TMEM259: variants seen among roughly 807,000 people sequenced by gnomAD.
TMEM259 encodes the protein membralin.
TMEM259 carries 26 observed loss-of-function variants against 46.7 expected under a neutral mutation model. That is an observed-to-expected ratio of 0.56 (90% CI 0.41 to 0.77). The LOEUF (loss-of-function observed/expected upper bound fraction) is 0.77. Ranked by LOEUF, TMEM259 falls within the 30% of genes least tolerant of loss-of-function variation. TMEM259 has a pLI of 0.00. For missense variants in TMEM259, 930 were observed against 900.5 expected (o/e 1.03, Z -0.42); for synonymous variants, 494 against 395.1 (o/e 1.25, Z -2.97).
Position 1,011,921 on chromosome 19 carries a change from G to A in TMEM259, c.913C>T (p.Leu305=), listed in dbSNP as rs1399634237. The A allele has an allele frequency of 1.7e-5, 28 of 1,610,908 alleles. No homozygotes were observed. The highest frequency in any genetic ancestry group is 4.5e-5 in the East Asian group (2 of 44,802). The change falls in exon 6 of 11, where the codon CTG becomes TTG. Residue 305 remains leucine (L), a synonymous_variant. Transcript: ENST00000356663. ...VSMWMARTSY[L]AAFAIMVIFT... Reference sequence around the variant, plus strand: ...ATGACCATGATGGCGAAGGCGGCCAGGTAGGACGTCCGCGCCATCCACATG... The same window carrying A: ...ATGACCATGATGGCGAAGGCGGCCAAGTAGGACGTCCGCGCCATCCACATG...
chr19:1,009,729 C>T lies in TMEM259; in HGVS notation c.*621G>A. 1.2e-6 allele frequency: 1 copy of T among 818,904 alleles called. No homozygotes were observed. Among genetic ancestry groups the T allele is most frequent in the Non-Finnish European group, 1.7e-6 (1 of 584,090 alleles). The allele number at this position is 818,904 out of a possible 1,614,324, so 50.7% of individuals were successfully genotyped here. The stretch of plus-strand genomic sequence containing the variant: ...AATTAAATAGAATGGAATGAGCGCT[C>T]CTCCGCATTCCTCCCCGAGTGACTG... On this transcript the variant is annotated 3_prime_UTR_variant, in exon 11 of 11. Transcript: ENST00000356663.
rs764633987 is a variant in TMEM259, at chr19:1,011,910, G to C, written c.924C>G (p.Phe308Leu). ...WMARTSYLAA[F>L]AIMVIFTLSV... is the part of the protein sequence containing the mutation. ...CACTCACGAAGATGACCATGATGGC[G>C]AAGGCGGCCAGGTAGGACGTCCGCG... The change falls in exon 6 of 11, where the codon TTC (phenylalanine) becomes TTG (leucine). Residue 308 changes from phenylalanine to leucine, a missense_variant. By Grantham distance (22) the Phe-to-Leu change is conservative. Transcript: ENST00000356663. 1.2e-6 allele frequency: 2 copies of C among 1,610,256 alleles called. No individual in the cohort carries two copies. The highest frequency in any genetic ancestry group is 2.7e-5 in the African/African-American group (2 of 74,898).
chr19:1,010,353 G>T lies in TMEM259; in HGVS notation c.1860C>A (p.Ser620=). The T allele has an allele frequency of 1.3e-6, 2 of 1,488,736 alleles. No individual in the cohort carries two copies. Among genetic ancestry groups the T allele is most frequent in the Admixed American group, 2.6e-5 (1 of 38,254 alleles). 92.2% of individuals were successfully genotyped at this position (1,488,736 alleles called of 1,614,324 possible). The change falls in exon 11 of 11, where the codon TCC becomes TCA. Residue 620 remains serine, a synonymous_variant. Transcript: ENST00000356663. The part of the protein sequence containing the change: ...APTEAPSEVG[S] ...AGAGGCGGCTCAGCTGTGCGGCTCA[G>T]GACCCCACCTCCGAGGGCGCCTCCG...
At chr19:1,014,055 G>C in intron 2 of TMEM259, 137 bp downstream of exon 2, 2 of 1,124,270 alleles carry the variant, frequency 1.8e-6, no homozygotes, top group African/African-American at 3.1e-5. Flanking sequence ...ACGGCAGGCA[G>C]GGGCGGCCTT....
At position 1,010,159 on chromosome 19, in the gene TMEM259, A is replaced by G. The variant is rs2038851928; in HGVS notation, c.*191T>C. ...CAGCTCAAACACCTCACTAGCGGGT[A>G]CAAGCCTCGGGCGCGACCTCACACC... On this transcript the variant is annotated 3_prime_UTR_variant, in exon 11 of 11. Coordinates refer to ENST00000356663, the MANE Select transcript of TMEM259 (RefSeq NM_001033026.2). 1 of 557,960 alleles carries G rather than the reference A, an allele frequency of 1.8e-6. No individual in the cohort carries two copies. Among genetic ancestry groups the G allele is most frequent in the East Asian group, 3.3e-5 (1 of 30,600 alleles). 34.6% of individuals were successfully genotyped at this position (557,960 alleles called of 1,614,324 possible).
rs764468869 is a variant in TMEM259 at position 1,010,482 on chromosome 19, G to T, written c.1731C>A (p.Pro577=). The T allele has an allele frequency of 3.2e-6, 5 of 1,546,038 alleles. No individual in the cohort carries two copies. The highest frequency in any genetic ancestry group is 2.0e-5 in the Admixed American group (1 of 50,464). Reference sequence around the variant, plus strand: ...GGGGGACACTGTCCTGGGGGGCGTGGGGGAGGCCCCCAGCAGGGCCCAGCG... The same window carrying T: ...GGGGGACACTGTCCTGGGGGGCGTGTGGGAGGCCCCCAGCAGGGCCCAGCG... ...ASPLGPAGGL[P]HAPQDSVPPS... is the part of the protein sequence containing the mutation. Residue 577 remains proline, a synonymous_variant, in exon 11 of 11, where the codon CCC becomes CCA. Coordinates refer to ENST00000356663, the MANE Select transcript of TMEM259 (RefSeq NM_001033026.2).
At chr19:1,017,337 C>T (rs1224061303) in intron 1 of TMEM259, 4 of 399,484 alleles carry the variant, frequency 1.0e-5, no homozygotes, top group Non-Finnish European at 1.8e-5. Flanking sequence ...CTCAGCCACT[C>T]GCATGCCCTG....
chr19:1,016,494 C>T (rs1291158996), intron 1 of TMEM259, among the ~76,000 whole-genome samples: 2 of 152,238 alleles, frequency 1.3e-5, no homozygotes, highest in Admixed American at 6.5e-5. Flanking sequence ...CAGGCCCACA[C>T]ATCCAGCAGG....
rs544005523 is a variant in TMEM259 at position 1,020,543 on chromosome 19, C to A, written c.225+229G>T. 5.3e-5 allele frequency among the ~76,000 whole-genome samples: 8 copies of A among 152,206 alleles called. No individual in the cohort carries two copies. In the South Asian group the frequency reaches 1.7e-3, roughly 32 times the overall value. On this transcript the variant is annotated intron_variant, in intron 1 of 10. Transcript: ENST00000356663. This position sits in a 1 kb window ranked among gnomAD's most constrained non-coding sequence, Gnocchi z 4.0. Reference sequence around the variant, plus strand: ...TCTAGTGCAGCGGGATCCGGCCTTCCCGGGTGGACGTCCCCGGGCGGGATG... The same window carrying A: ...TCTAGTGCAGCGGGATCCGGCCTTCACGGGTGGACGTCCCCGGGCGGGATG...
Position 1,019,079 on chromosome 19 carries a change from C to T in TMEM259, c.225+1693G>A, listed in dbSNP as rs1376186318. On this transcript the variant is annotated intron_variant, in intron 1 of 10. Coordinates refer to ENST00000356663, the MANE Select transcript of TMEM259 (RefSeq NM_001033026.2). Reference sequence around the variant, plus strand: ...AGGGATTGGGGTTACTGAGAACCTCCCAAGAGTCTCCACCCTACACAGAAG... The same window carrying T: ...AGGGATTGGGGTTACTGAGAACCTCTCAAGAGTCTCCACCCTACACAGAAG... Among the ~76,000 whole-genome samples the T allele has an allele frequency of 2.0e-5, 3 of 152,162 alleles. No individual in the cohort carries two copies. The East Asian group carries it at 5.8e-4, about 29-fold the overall frequency.
In TMEM259 at chr19:1,014,292, C is replaced by T. The variant is rs749427137; in HGVS notation, c.407G>A (p.Ser136Asn). Residue 136 changes from serine (S) to asparagine (N), a missense_variant, in exon 2 of 11, where the codon AGC becomes AAC. Physicochemically the swap from Ser to Asn is conservative, Grantham distance 46. Transcript: ENST00000356663. The stretch of plus-strand genomic sequence containing the variant: ...TGGTTCCACGGCCAGGCCCGGGAAG[C>T]TCCCGCGGCCGCCGCTGTCACAGAA... ...LQFCDSGGRG[S>N]FPGLAVEPGS... 6.2e-7 allele frequency: 1 copy of T among 1,612,628 alleles called. No individual in the cohort carries two copies. The highest frequency in any genetic ancestry group is 1.7e-5 in the Admixed American group (1 of 60,012).
In TMEM259 at chr19:1,010,478, C is replaced by A; in HGVS notation, c.1735G>T (p.Ala579Ser). Reference protein sequence around the residue: ...PLGPAGGLPHAPQDSVPPSDS... With the variant: ...PLGPAGGLPHSPQDSVPPSDS... ...CTCGGGGGGACACTGTCCTGGGGGG[C>A]GTGGGGGAGGCCCCCAGCAGGGCCC... Residue 579 changes from alanine to serine, a missense_variant, in exon 11 of 11, where the codon GCC (alanine) becomes TCC (serine). Transcript: ENST00000356663. 6.5e-7 allele frequency: 1 copy of A among 1,545,538 alleles called. No individual in the cohort carries two copies.
intron 1 of TMEM259, among the ~76,000 whole-genome samples, chr19:1,015,321 T>C (rs540981081): frequency 6.6e-6 from 1 of 152,262 alleles, no homozygotes; most frequent in South Asian, 2.1e-4. Flanking sequence ...TTGGGGGAGC[T>C]CCTGGCATGG....
intron 3 of TMEM259, 150 bp from the exon 4 acceptor site, chr19:1,012,723 T>TCCCAAGTGTCCA: frequency 9.4e-7 from 1 of 1,059,708 alleles, no homozygotes; most frequent in Non-Finnish European, 1.3e-6. Flanking sequence ...ACATGGACAC[T>TCCCAAGTGTCCA]TGGGATGGTG....
chr19:1,011,581 G>T lies in TMEM259; in HGVS notation c.1083C>A (p.Val361=), dbSNP rs769107815. 5 of 1,542,824 alleles carry T rather than the reference G, an allele frequency of 3.2e-6. No individual in the cohort carries two copies. The highest frequency in any genetic ancestry group is 2.4e-5 in the South Asian group (2 of 83,826). Residue 361 remains valine (V), a splice_region_variant and synonymous_variant, in exon 8 of 11, where the codon GTC becomes GTA. Coordinates refer to ENST00000356663, the MANE Select transcript of TMEM259 (RefSeq NM_001033026.2). ...GGGGAGGCCGGGTGGGGTCCTCACC[G>T]ACGAGGGCCAGGATGACGGTCAGCA... The part of the protein sequence containing the change: ...APLLTVILAL[V]GMEAIMSEFF...
chr19:1,014,561 C>T (rs2039046941), intron 1 of TMEM259, 88 bp from the exon 2 acceptor site: 8 of 1,399,102 alleles, frequency 5.7e-6, no homozygotes, highest in Middle Eastern at 2.6e-4. Context: ...TGATGGGGCG[C>T]GCTGGGACGC....
chr19:1,012,032 G>A (rs1225697631), intron 5 of TMEM259, 34 bp downstream of exon 5: 20 of 1,611,572 alleles, frequency 1.2e-5, no homozygotes, highest in African/African-American at 2.7e-5. Context: ...CCCCACCCGC[G>A]CCCTCGCACC....
At position 1,011,513 on chromosome 19, in the gene TMEM259, CGGCGCCGGTTGAAGCG is replaced by C; in HGVS notation, c.1085-30_1085-15del. On this transcript the variant is annotated splice_polypyrimidine_tract_variant and intron_variant, in intron 8 of 10. Coordinates refer to ENST00000356663, the MANE Select transcript of TMEM259 (RefSeq NM_001033026.2). ...TGGCCTCCATCCCTGCAGGGAGAGG[CGGCGCCGGTTGAAGCG>C]GGCGGGGCGGGGTGCAGCGCGGGGC... 1 of 1,243,830 alleles carries C rather than the reference CGGCGCCGGTTGAAGCG, an allele frequency of 8.0e-7. No homozygotes were observed. The highest frequency in any genetic ancestry group is 1.1e-6 in the Non-Finnish European group (1 of 930,180). 77.0% of individuals were successfully genotyped at this position (1,243,830 alleles called of 1,614,324 possible). A position where few individuals can be genotyped will look rare whatever the true frequency, so the allele number is the denominator to read the frequency against.
In TMEM259 at chr19:1,011,162, G is replaced by A. The variant is rs979599328; in HGVS notation, c.1251C>T (p.Ala417=). The A allele has an allele frequency of 7.5e-6, 12 of 1,604,104 alleles. No individual in the cohort carries two copies. Among genetic ancestry groups the A allele is most frequent in the African/African-American group, 1.3e-5 (1 of 74,770 alleles). ...ACTGCCCATTGAAGCGGTAGTGATA[G>A]GCATAGAAGGCGAAGTGGTAGAGAT... ...FFYLYHFAFY[A]YHYRFNGQYS... The change falls in exon 10 of 11, where the codon GCC becomes GCT. Residue 417 remains alanine, a synonymous_variant. Coordinates refer to ENST00000356663, the MANE Select transcript of TMEM259 (RefSeq NM_001033026.2).
Sources: gnomAD v4.1 joint callset for allele counts (sites outside exome capture counted in the v4.1 genomes callset) on GRCh38, gnomAD v4.1.1 for gene constraint, Gnocchi (gnomAD v3.1) non-coding constraint, MANE v1.5 for transcripts, NCBI Gene and HGNC (gene_info 2026-07-23, HGNC 2026-07-21) for gene names.